LHX8: variants seen among roughly 807,000 people sequenced by gnomAD.
LHX8 encodes LIM/homeobox protein Lhx8.
A neutral mutation model predicts 40.3 loss-of-function variants in LHX8; 12 were observed. That is an observed-to-expected ratio of 0.30 (90% CI 0.19 to 0.48). The LOEUF is 0.48. Ranked by LOEUF, LHX8 falls within the 20% of genes least tolerant of loss-of-function variation. LHX8 has a pLI of 0.99. For synonymous variants in LHX8, 179 were observed against 162.0 expected, an observed-to-expected ratio of 1.10 and a Z score of -0.80; for missense variants, 344 against 433.7, an observed-to-expected ratio of 0.79 and a Z score of 1.84.
At chr1:75,170,501 G>C in the LHX8 span, among the ~76,000 whole-genome samples, 1 of 152,192 alleles carries the variant, frequency 6.6e-6, no homozygotes, top group Non-Finnish European at 1.5e-5. Flanking sequence ...GAGAACCTGT[G>C]GACCTTGGGA....
chr1:75,178,655 T>C, the LHX8 span, among the ~76,000 whole-genome samples: 1 of 152,338 alleles, frequency 6.6e-6, no homozygotes, highest in African/African-American at 2.4e-5. Flanking sequence ...TGAAGGGTTT[T>C]CTGTGTCTCT....
the LHX8 span, among the ~76,000 whole-genome samples, chr1:75,183,396 CA>C: frequency 8.1e-4 from 123 of 152,068 alleles, no homozygotes; most frequent in African/African-American, 2.8e-3. Flanking sequence ...AGGTCACCTA[CA>C]AAGGGAACCT....
At chr1:75,135,435 C>G (rs568079318) in intron 1 of LHX8, among the ~76,000 whole-genome samples, 2 of 152,336 alleles carry the variant, frequency 1.3e-5, no homozygotes, top group African/African-American at 4.8e-5. Flanking sequence ...TGTGAGGACG[C>G]GGCCTCAGTG....
chr1:75,199,156 T>C, the LHX8 span, among the ~76,000 whole-genome samples: 2 of 152,204 alleles, frequency 1.3e-5, no homozygotes, highest in African/African-American at 4.8e-5. Flanking sequence ...TTGAGTTTCT[T>C]TTTCAATAGA....
the LHX8 span, among the ~76,000 whole-genome samples, chr1:75,194,147 C>A: frequency 9.9e-5 from 15 of 152,150 alleles, no homozygotes; most frequent in African/African-American, 3.4e-4. Flanking sequence ...CAGCATGAAA[C>A]TATTAGCCAT....
chr1:75,170,949 C>T, the LHX8 span, among the ~76,000 whole-genome samples: 1 of 152,226 alleles, frequency 6.6e-6, no homozygotes, highest in East Asian at 1.9e-4. Flanking sequence ...ATTATCATTC[C>T]CACTTTACAG....
the LHX8 span, among the ~76,000 whole-genome samples, chr1:75,175,076 C>T: frequency 6.6e-6 from 1 of 152,302 alleles, no homozygotes; most frequent in South Asian, 2.1e-4. Flanking sequence ...GTTTTGCATT[C>T]CTGAGTTACT....
At chr1:75,140,056 CT>C (rs1174717233) in intron 3 of LHX8, among the ~76,000 whole-genome samples, 2 of 152,202 alleles carry the variant, frequency 1.3e-5, no homozygotes, top group African/African-American at 4.8e-5. Flanking sequence ...CTTTGGGAGC[CT>C]GCATTGCATG....
chr1:75,150,159 G>T (rs1291292115), intron 7 of LHX8, among the ~76,000 whole-genome samples: 1 of 152,138 alleles, frequency 6.6e-6, no homozygotes. Flanking sequence ...GGTCACCTAA[G>T]TCCAGGAGGT....
chr1:75,191,256 A>G, the LHX8 span, among the ~76,000 whole-genome samples: 2 of 151,904 alleles, frequency 1.3e-5, no homozygotes, highest in Non-Finnish European at 2.9e-5. Flanking sequence ...GACAAGAAGG[A>G]AAGGGATCCA....
the LHX8 span, among the ~76,000 whole-genome samples, chr1:75,175,608 T>G: frequency 2.0e-5 from 3 of 152,208 alleles, no homozygotes; most frequent in Non-Finnish European, 4.4e-5. Context: ...TTTCTGCTTT[T>G]GAGAATTGTA....
downstream of LHX8, among the ~76,000 whole-genome samples, chr1:75,164,122 A>G (rs1648985200): frequency 6.6e-6 from 1 of 152,230 alleles, no homozygotes; most frequent in Non-Finnish European, 1.5e-5. Context: ...ATTTTATTAG[A>G]TAAATAGGTT....
intron 1 of LHX8, 115 bp downstream of exon 1, chr1:75,135,069 T>A (rs1032548264): frequency 9.4e-6 from 3 of 320,252 alleles, no homozygotes; most frequent in African/African-American, 6.7e-5. Flanking sequence ...TTCGTTCGGC[T>A]GCCCGCGGAC....
chr1:75,162,294 T>C (rs1036669305), downstream of LHX8, among the ~76,000 whole-genome samples: 3 of 152,078 alleles, frequency 2.0e-5, no homozygotes, highest in South Asian at 2.1e-4. Context: ...TAAATCCCTT[T>C]GTAGCCAGAA....
At chr1:75,178,513 G>A in the LHX8 span, among the ~76,000 whole-genome samples, 2 of 151,992 alleles carry the variant, frequency 1.3e-5, no homozygotes, top group Non-Finnish European at 2.9e-5. Context: ...GGGATCAGTG[G>A]TGATATCCCC....
chr1:75,130,885 G>T (rs1647943808), upstream of LHX8: 4 of 786,798 alleles, frequency 5.1e-6, no homozygotes, highest in African/African-American at 6.8e-5. Flanking sequence ...AGTGGTTTTA[G>T]CTGAGATTTC....
chr1:75,193,371 C>G, the LHX8 span, among the ~76,000 whole-genome samples: 2 of 152,192 alleles, frequency 1.3e-5, no homozygotes, highest in South Asian at 2.1e-4. Context: ...CTTCTTACAT[C>G]TTAATGTGCA....
At chr1:75,170,550 A>G in the LHX8 span, among the ~76,000 whole-genome samples, 1 of 152,222 alleles carries the variant, frequency 6.6e-6, no homozygotes, top group Non-Finnish European at 1.5e-5. Context: ...ACTGAAACAC[A>G]TGAGCTATCT....
chr1:75,196,929 T>C, the LHX8 span, among the ~76,000 whole-genome samples: 1 of 152,154 alleles, frequency 6.6e-6, no homozygotes, highest in Non-Finnish European at 1.5e-5. Flanking sequence ...TTAAGGACTC[T>C]TGGAGAGTGA....
Sources: allele counts gnomAD v4.1 joint callset (sites outside exome capture counted in the v4.1 genomes callset), GRCh38; gene constraint gnomAD v4.1.1; transcripts MANE v1.5; gene names NCBI Gene and HGNC (gene_info 2026-07-23, HGNC 2026-07-21).